The following NIBAN1 variants were observed in gnomAD, a reference collection of about 807,000 sequenced individuals.
The protein encoded by NIBAN1 is niban apoptosis regulator 1, also known as protein Niban 1.
NIBAN1 carries 81 observed loss-of-function variants against 75.1 expected under a neutral mutation model. The observed-to-expected ratio is 1.08, with a 90% confidence interval of 0.90 to 1.30. The LOEUF (loss-of-function observed/expected upper bound fraction) is 1.30. Among genes scored for constraint, NIBAN1 ranks in the 50% most tolerant of loss-of-function variants. NIBAN1 has a pLI of 0.00. For synonymous variants in NIBAN1, 436 were observed against 424.8 expected, an observed-to-expected ratio of 1.03 and a Z score of -0.32; for missense variants, 1,133 against 1,128.1, an observed-to-expected ratio of 1.00 and a Z score of -0.06.
intron 1 of NIBAN1, among the ~76,000 whole-genome samples, chr1:184,910,718 T>C (rs1657219092): frequency 6.6e-6 from 1 of 152,102 alleles, no homozygotes; most frequent in African/African-American, 2.4e-5. Context: ...TTATGCTGAG[T>C]GTGTTGGTGA....
At chr1:184,900,896 G>T (rs569918815) in intron 1 of NIBAN1, among the ~76,000 whole-genome samples, 49 of 152,140 alleles carry the variant, frequency 3.2e-4, no homozygotes, top group Middle Eastern at 3.2e-3. Flanking sequence ...ATATGAACTT[G>T]ACATCATTTT....
chr1:184,892,568 T>A (rs1409180077), intron 3 of NIBAN1, among the ~76,000 whole-genome samples: 1 of 152,108 alleles, frequency 6.6e-6, no homozygotes, highest in African/African-American at 2.4e-5. Flanking sequence ...GAGAAAATAT[T>A]AGCTTAATAA....
intron 6 of NIBAN1, among the ~76,000 whole-genome samples, chr1:184,828,997 G>T (rs1654922050): frequency 6.6e-6 from 1 of 152,034 alleles, no homozygotes; most frequent in Non-Finnish European, 1.5e-5. Flanking sequence ...ATAGGGTCTT[G>T]CTATGTTGCC....
intron 9 of NIBAN1, among the ~76,000 whole-genome samples, chr1:184,813,123 C>G (rs935505813): frequency 2.0e-5 from 3 of 152,170 alleles, no homozygotes; most frequent in Admixed American, 2.0e-4. Context: ...CCAAGGACTC[C>G]ACCATAAAGC....
intron 5 of NIBAN1, among the ~76,000 whole-genome samples, chr1:184,839,500 C>T (rs1655224002): frequency 6.6e-6 from 1 of 151,974 alleles, no homozygotes; most frequent in East Asian, 1.9e-4. Flanking sequence ...GACATTGCTG[C>T]AGTCCAACAT....
At chr1:184,945,785 TG>T (rs1658205487) in intron 1 of NIBAN1, among the ~76,000 whole-genome samples, 1 of 152,156 alleles carries the variant, frequency 6.6e-6, no homozygotes, top group South Asian at 2.1e-4. Flanking sequence ...CAAGAAAGCA[TG>T]GACTTCAAGA....
intron 5 of NIBAN1, among the ~76,000 whole-genome samples, chr1:184,832,235 A>G (rs1655019369): frequency 6.6e-6 from 1 of 152,096 alleles, no homozygotes; most frequent in African/African-American, 2.4e-5. Flanking sequence ...ACCCTCTCTT[A>G]TACATGCTCC....
At chr1:184,861,053 T>C (rs1277261121) in intron 5 of NIBAN1, among the ~76,000 whole-genome samples, 1 of 152,254 alleles carries the variant, frequency 6.6e-6, no homozygotes, top group Non-Finnish European at 1.5e-5. Flanking sequence ...AAACTTTTTC[T>C]GTAAAAGGCA....
chr1:184,963,640 G>C (rs1263626766), intron 1 of NIBAN1, among the ~76,000 whole-genome samples: 2 of 152,076 alleles, frequency 1.3e-5, no homozygotes, highest in African/African-American at 4.8e-5. Context: ...AAATACAATA[G>C]AAAAGAAGAA....
At chr1:184,865,519 G>A (rs968104020) in intron 5 of NIBAN1, among the ~76,000 whole-genome samples, 2 of 151,912 alleles carry the variant, frequency 1.3e-5, no homozygotes, top group African/African-American at 2.4e-5. Flanking sequence ...CTTGGGTAAC[G>A]AGACCATTCA....
chr1:184,950,390 A>T (rs1658331843), intron 1 of NIBAN1, among the ~76,000 whole-genome samples: 1 of 152,224 alleles, frequency 6.6e-6, no homozygotes, highest in Non-Finnish European at 1.5e-5. Flanking sequence ...TTTTCTCCAC[A>T]TTCTTAGGCA....
At chr1:184,802,945 C>T (rs1011360213) in intron 12 of NIBAN1, among the ~76,000 whole-genome samples, 2 of 152,124 alleles carry the variant, frequency 1.3e-5, no homozygotes, top group East Asian at 3.9e-4. Flanking sequence ...CTCATTTGTA[C>T]CATGAGGATA....
At chr1:184,947,079 G>GAAAAAAGAAAAAAA (rs1553230564) in intron 1 of NIBAN1, among the ~76,000 whole-genome samples, 6 of 150,562 alleles carry the variant, frequency 4.0e-5, no homozygotes, top group South Asian at 2.1e-4. Flanking sequence ...ATCTCAAAAA[G>GAAAAAAGAAAAAAA]AAAAGAAAAG....
rs1158983342 is a variant in NIBAN1, at chr1:184,920,871, C to T, written c.56-21562G>A. 3.3e-5 allele frequency among the ~76,000 whole-genome samples: 5 copies of T among 152,118 alleles called. No homozygotes were observed. In the East Asian group the frequency reaches 5.8e-4, roughly 18 times the overall value. On this transcript the variant is annotated intron_variant, in intron 1 of 13. Transcript: ENST00000367511. ...ATTTGTAGGCAGGCACGGTGGCTCA[C>T]GCCTGTAATCCAAGCACCTTGGAAG...
chr1:184,955,294 A>ATCTTT (rs1349076397), intron 1 of NIBAN1, among the ~76,000 whole-genome samples: 1 of 75,948 alleles, frequency 1.3e-5, no homozygotes, highest in East Asian at 3.9e-4. Context: ...AAAGGCTTCA[A>ATCTTT]TCTTTTCTTT....
At chr1:184,896,097 G>A (rs543988545) in intron 2 of NIBAN1, among the ~76,000 whole-genome samples, 25 of 152,206 alleles carry the variant, frequency 1.6e-4, no homozygotes, top group African/African-American at 5.1e-4. Flanking sequence ...TTGCTGAGTC[G>A]AATGATAGTT....
intron 1 of NIBAN1, among the ~76,000 whole-genome samples, chr1:184,971,069 T>C (rs1167188390): frequency 1.4e-5 from 2 of 146,736 alleles, no homozygotes; most frequent in African/African-American, 5.0e-5. Context: ...GAAGACTGCT[T>C]GAGCCCAGAA....
intron 1 of NIBAN1, among the ~76,000 whole-genome samples, chr1:184,929,847 C>G (rs771497124): frequency 3.3e-5 from 5 of 152,234 alleles, no homozygotes; most frequent in Non-Finnish European, 7.3e-5. Context: ...GTCAAAACTT[C>G]TACTGAACAT....
At chr1:184,961,127 G>GGCGCGATT (rs976544065) in intron 1 of NIBAN1, among the ~76,000 whole-genome samples, 2 of 133,168 alleles carry the variant, frequency 1.5e-5, no homozygotes, top group African/African-American at 5.7e-5. Context: ...GGAGTGCAGT[G>GGCGCGATT]GCGCGATCTC....
Sources: gnomAD v4.1 joint callset for allele counts (sites outside exome capture counted in the v4.1 genomes callset) on GRCh38, gnomAD v4.1.1 for gene constraint, MANE v1.5 for transcripts, NCBI Gene and HGNC (gene_info 2026-07-23, HGNC 2026-07-21) for gene names.